MRPS22: variants seen among roughly 807,000 people sequenced by gnomAD.
MRPS22 encodes small ribosomal subunit protein mS22.
In MRPS22, 30 loss-of-function variants were observed where a neutral mutation model predicts 44.0. That is an observed-to-expected ratio of 0.68 (90% CI 0.51 to 0.93). The LOEUF (loss-of-function observed/expected upper bound fraction) is 0.93, where lower values mean the gene tolerates loss of function less well. Ranked by LOEUF, MRPS22 falls within the 40% of genes least tolerant of loss-of-function variation. MRPS22 has a pLI of 0.00. For missense variants in MRPS22, 447 were observed against 447.8 expected, an observed-to-expected ratio of 1.00 and a Z score of 0.02; for synonymous variants, 165 against 154.4, an observed-to-expected ratio of 1.07 and a Z score of -0.51.
At chr3:139,347,551 A>C (rs763949439) in intron 2 of MRPS22, among the ~76,000 whole-genome samples, 6 of 152,226 alleles carry the variant, frequency 3.9e-5, no homozygotes, top group Non-Finnish European at 7.3e-5. Context: ...AAATATATAT[A>C]TCTCTCTCCA....
intron 1 of MRPS22, 43 bp downstream of exon 1, chr3:139,344,241 G>A (rs752593195): frequency 1.9e-6 from 3 of 1,561,582 alleles, no homozygotes; most frequent in Non-Finnish European, 1.7e-6. Context: ...TCTTCTGGGA[G>A]ACGTAGATCC....
At chr3:139,350,486 G>A in intron 4 of MRPS22, 164 bp downstream of exon 4, 1 of 728,194 alleles carries the variant, frequency 1.4e-6, no homozygotes, top group Non-Finnish European at 2.2e-6. Flanking sequence ...GAAGTGCAGT[G>A]GCGGGATCTC....
In MRPS22 at chr3:139,355,903, G is replaced by T. The variant is rs376169385; in HGVS notation, c.987+113G>T. On this transcript the variant is annotated intron_variant, in intron 7 of 7. Coordinates refer to ENST00000680020, the MANE Select transcript of MRPS22 (RefSeq NM_020191.4). The stretch of plus-strand genomic sequence containing the variant: ...ACAGATTTGTGAATATGGGACATCT[G>T]TGGTCTTGAAAACATCAGTATGATT... 105 of 791,442 alleles carry T rather than the reference G, an allele frequency of 1.3e-4. No homozygotes were observed. The East Asian group carries it at 2.1e-3, about 16-fold the overall frequency. 49.0% of individuals were successfully genotyped at this position (791,442 alleles called of 1,614,324 possible). A position where few individuals can be genotyped will look rare whatever the true frequency, so the allele number is the denominator to read the frequency against.
intron 2 of MRPS22, among the ~76,000 whole-genome samples, chr3:139,347,412 G>A (rs550617948): frequency 1.3e-5 from 2 of 152,268 alleles, no homozygotes; most frequent in East Asian, 3.9e-4. Context: ...CATGGAAACA[G>A]CATGTTTTCC....
rs370217828 is a variant in MRPS22 at position 139,356,748 on chromosome 3, ATG to A, written c.988-165_988-164del. Among the ~76,000 whole-genome samples the A allele has an allele frequency of 4.5e-3, 672 of 150,926 alleles. 6 individuals carry two copies. The highest frequency in any genetic ancestry group is 0.016 in the African/African-American group (654 of 41,216). On this transcript the variant is annotated intron_variant, in intron 7 of 7. Transcript: ENST00000680020. ...TGTGTTGGGTATTGTTTTTCTGTCC[ATG>A]TGTGTTTATTAATTATTGTATAATC...
intron 2 of MRPS22, 47 bp from the exon 3 acceptor site, chr3:139,348,113 A>G (rs766297985): frequency 6.9e-6 from 11 of 1,591,692 alleles, no homozygotes; most frequent in East Asian, 4.5e-5. Flanking sequence ...TGATCCTTAT[A>G]TTATGTAACC....
rs1491280719 is a variant in MRPS22 at position 139,345,451 on chromosome 3, T to TG, written c.172+1253_172+1254insG. 1.4e-4 allele frequency among the ~76,000 whole-genome samples: 15 copies of TG among 109,386 alleles called. No individual in the cohort carries two copies. The East Asian group carries it at 1.5e-3, about 11-fold the overall frequency. The allele number at this position is 109,386 out of a possible 152,430, so 71.8% of individuals were successfully genotyped here. On this transcript the variant is annotated intron_variant, in intron 1 of 7. Coordinates refer to ENST00000680020, the MANE Select transcript of MRPS22 (RefSeq NM_020191.4). ...TCTGCCAGTGGTGTTTTTTTTTTTG[T>TG]TTTTTTTTTTTTTTTGTAAAATTGG...
At chr3:139,348,375 A>G (rs564099495) in intron 3 of MRPS22, 51 bp downstream of exon 3, 3 of 1,583,054 alleles carry the variant, frequency 1.9e-6, no homozygotes, top group African/African-American at 2.7e-5. Flanking sequence ...TACTATGTGG[A>G]GAAGGGCTTG....
intron 6 of MRPS22, 106 bp downstream of exon 6, chr3:139,352,898 C>A: frequency 8.4e-7 from 1 of 1,194,342 alleles, no homozygotes; most frequent in Non-Finnish European, 1.2e-6. Context: ...CTGTCTAGTG[C>A]TTGCTTACCT....
chr3:139,352,055 A>G (rs980313117), intron 5 of MRPS22: 5 of 154,416 alleles, frequency 3.2e-5, no homozygotes, highest in Admixed American at 1.9e-4. Flanking sequence ...AAGGGAGAGT[A>G]GTGAAAAAAT....
At chr3:139,349,257 C>T (rs1245391387) in intron 3 of MRPS22, 1 of 426,858 alleles carries the variant, frequency 2.3e-6, no homozygotes, top group African/African-American at 2.1e-5. Context: ...TCAGGTTTCT[C>T]AAATTACCAA....
intron 6 of MRPS22, among the ~76,000 whole-genome samples, chr3:139,353,305 G>A (rs1055444788): frequency 2.6e-5 from 4 of 152,166 alleles, no homozygotes; most frequent in African/African-American, 9.7e-5. Context: ...TTGTATTTTA[G>A]CATCAAGCTG....
intron 2 of MRPS22, 32 bp from the exon 3 acceptor site, chr3:139,348,128 G>A (rs371980851): frequency 8.7e-6 from 14 of 1,609,630 alleles, no homozygotes; most frequent in African/African-American, 2.7e-5. Flanking sequence ...GTAACCTTGT[G>A]GCTTTCCTTA....
chr3:139,355,904 T>C (rs1295416385), intron 7 of MRPS22, 114 bp downstream of exon 7: 1 of 790,770 alleles, frequency 1.3e-6, no homozygotes, highest in African/African-American at 1.7e-5. Flanking sequence ...GGGACATCTG[T>C]GGTCTTGAAA....
At position 139,352,808 on chromosome 3, in the gene MRPS22, G is replaced by A; in HGVS notation, c.878+16G>A. The A allele has an allele frequency of 6.2e-7, 1 of 1,610,214 alleles. No homozygotes were observed. Among genetic ancestry groups the A allele is most frequent in the Non-Finnish European group, 8.5e-7 (1 of 1,177,666 alleles). On this transcript the variant is annotated intron_variant, in intron 6 of 7. Coordinates refer to ENST00000680020, the MANE Select transcript of MRPS22 (RefSeq NM_020191.4). ...AGAGAGATTTGTAAGTATGATCTTA[G>A]TAAGTGAAAGAATCATTCTTATTGC...
chr3:139,344,508 C>G (rs1941000926), intron 1 of MRPS22: 1 of 609,974 alleles, frequency 1.6e-6, no homozygotes. Flanking sequence ...ATTGGCAGTG[C>G]AGTGTGACCC....
Position 139,352,756 on chromosome 3 carries a change from T to A in MRPS22, c.842T>A (p.Ile281Asn). The A allele has an allele frequency of 1.2e-6, 2 of 1,613,816 alleles. No homozygotes were observed. The highest frequency in any genetic ancestry group is 1.7e-6 in the Non-Finnish European group (2 of 1,179,812). ...TGGTATTTTGTAAATAATAAAAAGA[T>A]TGATGGTTTGCTGATTGACCAGATT... ...MVWYFVNNKK[I>N]DGLLIDQIQR... is the part of the protein sequence containing the mutation. Residue 281 changes from isoleucine to asparagine, a missense_variant, in exon 6 of 8, where the codon ATT becomes AAT. Physicochemically the swap from Ile to Asn is moderately radical, Grantham distance 149. Transcript: ENST00000680020.
At chr3:139,353,774 C>A (rs935765143) in intron 6 of MRPS22, among the ~76,000 whole-genome samples, 5 of 152,244 alleles carry the variant, frequency 3.3e-5, no homozygotes, top group Non-Finnish European at 7.4e-5. Flanking sequence ...TACCTTCATA[C>A]CCCATAATTG....
intron 7 of MRPS22, among the ~76,000 whole-genome samples, chr3:139,356,258 TA>T (rs1159594339): frequency 6.6e-6 from 1 of 152,222 alleles, no homozygotes; most frequent in African/African-American, 2.4e-5. Flanking sequence ...GCCTTAGCTG[TA>T]TTGTCATTTT....
Sources: allele counts gnomAD v4.1 joint callset (sites outside exome capture counted in the v4.1 genomes callset), GRCh38; gene constraint gnomAD v4.1.1; transcripts MANE v1.5; gene names NCBI Gene and HGNC (gene_info 2026-07-23, HGNC 2026-07-21).